PTPRD: variants seen among roughly 807,000 people sequenced by gnomAD.
PTPRD encodes receptor-type tyrosine-protein phosphatase delta.
In PTPRD, 34 loss-of-function variants were observed where a neutral mutation model predicts 214.5. The observed-to-expected ratio is 0.16, with a 90% confidence interval of 0.12 to 0.21. The LOEUF (loss-of-function observed/expected upper bound fraction) is 0.21, where lower values mean the gene tolerates loss of function less well. Among genes scored for constraint, PTPRD ranks in the 10% least tolerant of loss-of-function variants. PTPRD has a pLI of 1.00. For missense variants in PTPRD, 2,545 were observed against 2,398.7 expected (o/e 1.06, Z -1.27); for synonymous variants, 1,128 against 845.7 (o/e 1.33, Z -5.79).
intron 35 of PTPRD, among the ~76,000 whole-genome samples, chr9:8,424,345 G>A (rs573146783): frequency 1.2e-4 from 18 of 152,138 alleles, no homozygotes; most frequent in Admixed American, 1.0e-3. Flanking sequence ...CAGACTACAC[G>A]GGTTCATATC....
chr9:9,295,861 G>T (rs1952824116), intron 9 of PTPRD, among the ~76,000 whole-genome samples: 1 of 151,800 alleles, frequency 6.6e-6, no homozygotes. Context: ...CTCTCTCTAT[G>T]CCCAGATTAT....
chr9:8,673,261 T>A (rs567320334), intron 12 of PTPRD, among the ~76,000 whole-genome samples: 11 of 152,172 alleles, frequency 7.2e-5, no homozygotes, highest in African/African-American at 2.6e-4. Context: ...TAAGTAGAAA[T>A]TGCACAAAAC....
chr9:8,848,261 C>T (rs2097740079), intron 11 of PTPRD, among the ~76,000 whole-genome samples: 1 of 149,264 alleles, frequency 6.7e-6, no homozygotes, highest in East Asian at 2.0e-4. Context: ...ACAGAAGATA[C>T]TCTTCAGAAA....
intron 3 of PTPRD, among the ~76,000 whole-genome samples, chr9:10,056,701 G>A (rs1942366156): frequency 6.6e-6 from 1 of 151,958 alleles, no homozygotes; most frequent in Non-Finnish European, 1.5e-5. Context: ...GCATAATATT[G>A]ATCCAAAAAC....
At chr9:9,688,545 A>G (rs1270998419) in intron 7 of PTPRD, among the ~76,000 whole-genome samples, 2 of 151,906 alleles carry the variant, frequency 1.3e-5, no homozygotes, top group Non-Finnish European at 1.5e-5. Flanking sequence ...TACAACAGTC[A>G]TAAATAGTAG....
In PTPRD at chr9:9,204,546, C is replaced by T. The variant is rs181812058; in HGVS notation, c.-202-21183G>A. The stretch of plus-strand genomic sequence containing the variant: ...GGAACACTCACGAGTCCTTTGCTTC[C>T]AACTATAGAGTACTCTATATAACTC... On this transcript the variant is annotated intron_variant, in intron 9 of 45. Coordinates refer to ENST00000381196, the MANE Select transcript of PTPRD (RefSeq NM_002839.4). Among the ~76,000 whole-genome samples the T allele has an allele frequency of 3.3e-3, 497 of 152,186 alleles. 3 individuals are homozygous for T. Among genetic ancestry groups the T allele is most frequent in the Non-Finnish European group, 5.6e-3 (381 of 68,008 alleles).
chr9:8,566,507 G>T (rs1200027359), intron 14 of PTPRD, among the ~76,000 whole-genome samples: 1 of 152,108 alleles, frequency 6.6e-6, no homozygotes, highest in African/African-American at 2.4e-5. Context: ...AAAGACAGAG[G>T]TTGGCCCTAA....
intron 12 of PTPRD, among the ~76,000 whole-genome samples, chr9:8,654,775 G>C (rs1039294483): frequency 6.6e-6 from 1 of 151,894 alleles, no homozygotes; most frequent in Non-Finnish European, 1.5e-5. Flanking sequence ...ACAGTAATTG[G>C]TTTCCCTTCC....
chr9:9,282,720 T>C (rs548421893), intron 9 of PTPRD, among the ~76,000 whole-genome samples: 2 of 151,588 alleles, frequency 1.3e-5, no homozygotes, highest in South Asian at 2.1e-4. Flanking sequence ...AATTGTTGTT[T>C]ACTTTCCTTT....
At chr9:8,847,255 T>C (rs2097715993) in intron 11 of PTPRD, among the ~76,000 whole-genome samples, 1 of 151,078 alleles carries the variant, frequency 6.6e-6, no homozygotes. Context: ...ACATAAGCAG[T>C]CCTTTCTTAA....
At chr9:8,482,721 G>A (rs965506615) in intron 30 of PTPRD, among the ~76,000 whole-genome samples, 1 of 152,154 alleles carries the variant, frequency 6.6e-6, no homozygotes, top group African/African-American at 2.4e-5. Context: ...TCACTTCTGG[G>A]TATACCCTTG....
rs12335445 is a variant in PTPRD at position 8,337,667 on chromosome 9, A to C, written c.5379+1255T>G. On this transcript the variant is annotated intron_variant, in intron 43 of 45. Transcript: ENST00000381196. ...TACAATCACAGGGAGACTTTAAAAA[A>C]AAAAAGGTGAGCAACTTCCGGTTTC... Among the ~76,000 whole-genome samples, 931 of 152,162 alleles carry C rather than the reference A, an allele frequency of 6.1e-3. 13 individuals are homozygous for C. The highest frequency in any genetic ancestry group is 0.021 in the African/African-American group (870 of 41,530).
intron 9 of PTPRD, among the ~76,000 whole-genome samples, chr9:9,378,952 C>T (rs531170303): frequency 6.6e-6 from 1 of 151,678 alleles, no homozygotes; most frequent in Non-Finnish European, 1.5e-5. Context: ...CATTCTGTGG[C>T]TTATCTTCTC....
chr9:9,292,920 C>A (rs750047336), intron 9 of PTPRD, among the ~76,000 whole-genome samples: 1 of 151,370 alleles, frequency 6.6e-6, no homozygotes, highest in African/African-American at 2.4e-5. Context: ...AAGTAAAGGG[C>A]CATTCTAATC....
At chr9:8,887,925 T>C (rs2098505300) in intron 11 of PTPRD, among the ~76,000 whole-genome samples, 1 of 151,966 alleles carries the variant, frequency 6.6e-6, no homozygotes, top group Non-Finnish European at 1.5e-5. Flanking sequence ...GGAAGAACCA[T>C]CTCAATTCTT....
chr9:8,786,175 G>C (rs2095954159), intron 11 of PTPRD, among the ~76,000 whole-genome samples: 1 of 151,956 alleles, frequency 6.6e-6, no homozygotes, highest in Admixed American at 6.6e-5. Context: ...AATGGCCATG[G>C]AACCATTCAT....
At chr9:10,611,434 C>A (rs2080938427) in intron 2 of PTPRD, among the ~76,000 whole-genome samples, 1 of 152,138 alleles carries the variant, frequency 6.6e-6, no homozygotes, top group African/African-American at 2.4e-5. Context: ...TTTTTCCTGA[C>A]ATAACACAAA....
chr9:8,587,124 T>C (rs2093724611), intron 14 of PTPRD, among the ~76,000 whole-genome samples: 1 of 152,154 alleles, frequency 6.6e-6, no homozygotes, highest in Non-Finnish European at 1.5e-5. Context: ...CACTCCAGCC[T>C]GGGCGACAGA....
At chr9:9,342,278 T>C (rs141172983) in intron 9 of PTPRD, among the ~76,000 whole-genome samples, 5 of 152,324 alleles carry the variant, frequency 3.3e-5, no homozygotes, top group African/African-American at 1.2e-4. Context: ...TATTTTCATG[T>C]AGTATTTCCC....
Sources: allele counts gnomAD v4.1 joint callset (sites outside exome capture counted in the v4.1 genomes callset), GRCh38; gene constraint gnomAD v4.1.1; transcripts MANE v1.5; gene names NCBI Gene and HGNC (gene_info 2026-07-23, HGNC 2026-07-21).